The following COL4A4 variants were observed in gnomAD, a reference collection of about 807,000 sequenced individuals.
COL4A4 encodes collagen alpha-4(IV) chain.
A neutral mutation model predicts 192.9 loss-of-function variants in COL4A4; 105 were observed. The observed-to-expected ratio is 0.54, with a 90% CI of 0.46 to 0.64. The LOEUF (loss-of-function observed/expected upper bound fraction) is 0.64. Ranked by LOEUF, COL4A4 falls within the 30% of genes least tolerant of loss-of-function variation. The pLI, the probability that COL4A4 is intolerant of heterozygous loss-of-function variation, is 0.00. For missense variants in COL4A4, 1,967 were observed against 2,169.3 expected, an observed-to-expected ratio of 0.91 and a Z score of 1.85; for synonymous variants, 762 against 769.9, an observed-to-expected ratio of 0.99 and a Z score of 0.17.
chr2:227,096,981 A>G (rs1455307336), intron 19 of COL4A4, among the ~76,000 whole-genome samples: 1 of 152,196 alleles, frequency 6.6e-6, no homozygotes, highest in Non-Finnish European at 1.5e-5. Flanking sequence ...CATATCTACA[A>G]ATTATATATA....
At chr2:227,104,638 CT>C (rs373008018) in intron 12 of COL4A4, among the ~76,000 whole-genome samples, 3,669 of 110,326 alleles carry the variant, frequency 0.033, 55 homozygotes, top group Admixed American at 0.11. Flanking sequence ...TCTATTAAAA[CT>C]TTTTTTTTTT....
At chr2:227,091,529 C>T (rs1175185526) in intron 20 of COL4A4, among the ~76,000 whole-genome samples, 1 of 151,628 alleles carries the variant, frequency 6.6e-6, no homozygotes, top group East Asian at 1.9e-4. Flanking sequence ...TTTCAAAGGA[C>T]ACTTGATCTC....
In COL4A4 at chr2:227,057,451, G is replaced by T. The variant is rs775678728; in HGVS notation, c.2533C>A (p.Pro845Thr). The change falls in exon 29 of 48, where the codon CCA becomes ACA. Residue 845 changes from proline to threonine, a missense_variant. Pro to Thr is a conservative substitution (Grantham distance 38). Coordinates refer to ENST00000396625, the MANE Select transcript of COL4A4 (RefSeq NM_000092.5). ...IPGQPGLPGY[P>T]GSPGAPGGKG... ...TCTTGACACTTACCTGGGCTACCTG[G>T]ATACCCAGGGAGTCCCGGTTGCCCT... 1 of 1,607,030 alleles carries T rather than the reference G, an allele frequency of 6.2e-7. No individual in the cohort carries two copies. The highest frequency in any genetic ancestry group is 2.2e-5 in the East Asian group (1 of 44,782).
intron 1 of COL4A4, among the ~76,000 whole-genome samples, chr2:227,161,298 G>A (rs1385973120): frequency 2.0e-5 from 3 of 152,184 alleles, no homozygotes; most frequent in East Asian, 1.9e-4. Context: ...TGTAGAAAAC[G>A]GACATGATAC....
rs143964805 is a variant in COL4A4 at position 227,131,787 on chromosome 2, C to T, written c.192+8374G>A. On this transcript the variant is annotated intron_variant, in intron 4 of 47. Transcript: ENST00000396625. The stretch of plus-strand genomic sequence containing the variant: ...ACTACATGCACCTTTATAAGGAGGA[C>T]GCAGAGGGAGATTGATGTGGACACA... Among the ~76,000 whole-genome samples the T allele has an allele frequency of 5.3e-5, 8 of 152,184 alleles. No individual in the cohort carries two copies. The East Asian group carries it at 5.8e-4, about 11-fold the overall frequency.
At chr2:227,013,321 G>A (rs936055538) in intron 44 of COL4A4, among the ~76,000 whole-genome samples, 3 of 151,890 alleles carry the variant, frequency 2.0e-5, no homozygotes, top group African/African-American at 7.3e-5. Flanking sequence ...GCCTGGTATG[G>A]GCTGATTTGT....
chr2:227,028,130 G>A (rs1381583935), intron 41 of COL4A4, 121 bp from the exon 42 acceptor site: 1 of 752,876 alleles, frequency 1.3e-6, no homozygotes. Flanking sequence ...TAGCTAGCCT[G>A]AGAGTCAAGA....
At chr2:227,091,354 A>T (rs2059919997) in intron 20 of COL4A4, among the ~76,000 whole-genome samples, 1 of 151,488 alleles carries the variant, frequency 6.6e-6, no homozygotes, top group Non-Finnish European at 1.5e-5. Flanking sequence ...GTTGTAATGT[A>T]GAGTTCAGGA....
chr2:226,998,817 A>T (rs1256839025), downstream of COL4A4: 1 of 152,228 alleles, frequency 6.6e-6, no homozygotes, highest in Non-Finnish European at 1.5e-5. Context: ...TAGCCTCAAC[A>T]GTGGGCTTCA....
the COL4A4 span, among the ~76,000 whole-genome samples, chr2:226,992,422 G>A: frequency 6.6e-6 from 1 of 152,216 alleles, no homozygotes; most frequent in African/African-American, 2.4e-5. Flanking sequence ...AGAGTAAGAT[G>A]GCTTTTGTAT....
At chr2:227,114,422 G>A in intron 8 of COL4A4, 1 of 662,616 alleles carries the variant, frequency 1.5e-6, no homozygotes, top group Non-Finnish European at 2.8e-6. Context: ...CAGAAGTAAT[G>A]GAATTTTACA....
At chr2:227,078,165 A>G (rs2059134381) in intron 24 of COL4A4, 88 bp from the exon 25 acceptor site, 14 of 1,335,706 alleles carry the variant, frequency 1.0e-5, no homozygotes, top group African/African-American at 1.4e-5. Flanking sequence ...AACACACGCA[A>G]AAGTCCATAA....
downstream of COL4A4, among the ~76,000 whole-genome samples, chr2:226,999,654 T>C (rs939698416): frequency 2.6e-5 from 4 of 152,138 alleles, no homozygotes; most frequent in Admixed American, 1.3e-4. Context: ...AAAATGTTGC[T>C]AATATAATAG....
intron 25 of COL4A4, among the ~76,000 whole-genome samples, chr2:227,067,068 T>C (rs1216961023): frequency 6.6e-6 from 1 of 151,844 alleles, no homozygotes; most frequent in Non-Finnish European, 1.5e-5. Context: ...ATTGCAATCC[T>C]AGTCTCTGAT....
At chr2:227,132,110 G>A (rs150661957) in intron 4 of COL4A4, among the ~76,000 whole-genome samples, 2,097 of 152,250 alleles carry the variant, frequency 0.014, 19 homozygotes, top group Non-Finnish European at 0.024. Flanking sequence ...AATTCCACCC[G>A]GTTCAAGCTC....
At chr2:227,121,299 C>T in intron 4 of COL4A4, 151 bp from the exon 5 acceptor site, 1 of 917,614 alleles carries the variant, frequency 1.1e-6, no homozygotes, top group Non-Finnish European at 1.6e-6. Flanking sequence ...TGGTGGCTCA[C>T]ACCTGTAATC....
In COL4A4 at chr2:227,051,006, T is replaced by G; in HGVS notation, c.3121A>C (p.Ile1041Leu). ...TCACCTGGAAGTCCTGGAAAACCAA[T>G]GAACCCTCTTAGACCAGTTGAGCCT... ...PPGSTGLRGFIGFPGLPGDQG... is the reference protein window; with the variant it reads ...PPGSTGLRGFLGFPGLPGDQG... The change falls in exon 33 of 48, where the codon ATT becomes CTT. Residue 1041 changes from isoleucine to leucine, a missense_variant. By Grantham distance (5) the Ile-to-Leu change is conservative (BLOSUM62 2). Transcript: ENST00000396625. 1 of 1,614,222 alleles carries G rather than the reference T, an allele frequency of 6.2e-7. No homozygotes were observed. Among genetic ancestry groups the G allele is most frequent in the South Asian group, 1.1e-5 (1 of 91,084 alleles).
chr2:227,121,873 A>G (rs996666265), intron 4 of COL4A4, among the ~76,000 whole-genome samples: 3 of 152,218 alleles, frequency 2.0e-5, no homozygotes, highest in Non-Finnish European at 2.9e-5. Context: ...GCAAGAAACT[A>G]AAAAATCAAA....
intron 8 of COL4A4, among the ~76,000 whole-genome samples, chr2:227,111,988 C>A (rs1159037734): frequency 1.3e-5 from 2 of 152,124 alleles, no homozygotes; most frequent in Non-Finnish European, 2.9e-5. Context: ...GTTCTAAATT[C>A]TCAATCCAGT....
Sources: gnomAD v4.1 joint callset for allele counts (sites outside exome capture counted in the v4.1 genomes callset) on GRCh38, gnomAD v4.1.1 for gene constraint, MANE v1.5 for transcripts, NCBI Gene and HGNC (gene_info 2026-07-23, HGNC 2026-07-21) for gene names.